Variants in L3MBTL4 observed in about 807,000 individuals in gnomAD.
L3MBTL4 encodes lethal(3)malignant brain tumor-like protein 4.
A neutral mutation model predicts 84.5 loss-of-function variants in L3MBTL4; 70 were observed. That is an observed-to-expected ratio of 0.83 (90% CI 0.68 to 1.01). L3MBTL4 has a LOEUF of 1.01. L3MBTL4 is among the 50% of genes least tolerant of loss of function. The pLI, the probability that L3MBTL4 is intolerant of heterozygous loss-of-function variation, is 0.00. For synonymous variants in L3MBTL4, 274 were observed against 259.8 expected (o/e 1.05, Z -0.52); for missense variants, 715 against 754.8 (o/e 0.95, Z 0.62).
At chr18:6,180,339 A>T (rs182324083) in intron 12 of L3MBTL4, among the ~76,000 whole-genome samples, 32 of 152,246 alleles carry the variant, frequency 2.1e-4, no homozygotes, top group African/African-American at 7.5e-4. Flanking sequence ...CCCAATTTCC[A>T]GATGACTGTG....
chr18:6,009,055 T>C (rs2054615094), intron 16 of L3MBTL4, among the ~76,000 whole-genome samples: 1 of 152,094 alleles, frequency 6.6e-6, no homozygotes, highest in African/African-American at 2.4e-5. Flanking sequence ...CACACAGACC[T>C]CGGGAGGGGT....
chr18:6,053,717 T>C (rs2145827790), intron 16 of L3MBTL4, among the ~76,000 whole-genome samples: 1 of 152,348 alleles, frequency 6.6e-6, no homozygotes, highest in East Asian at 1.9e-4. Context: ...CACTGCAGCA[T>C]GCGTATCCTA....
rs145784058 is a variant in L3MBTL4, at chr18:6,161,578, G to A, written c.1096+10250C>T. Reference sequence around the variant, plus strand: ...AAACAAACTAAAGGGATTATCACTTGTTTAGAAAGACCTAAAATTTTAATA... The same window carrying A: ...AAACAAACTAAAGGGATTATCACTTATTTAGAAAGACCTAAAATTTTAATA... On this transcript the variant is annotated intron_variant, in intron 13 of 18. Coordinates refer to ENST00000317931, the MANE Select transcript of L3MBTL4 (RefSeq NM_001330559.2). 4.0e-3 allele frequency among the ~76,000 whole-genome samples: 613 copies of A among 152,310 alleles called. 3 individuals are homozygous for A. The highest frequency in any genetic ancestry group is 0.014 in the African/African-American group (563 of 41,560).
chr18:6,381,387 G>T (rs1459986656), intron 1 of L3MBTL4, among the ~76,000 whole-genome samples: 1 of 152,120 alleles, frequency 6.6e-6, no homozygotes, highest in Non-Finnish European at 1.5e-5. Flanking sequence ...ATGCTAGCTG[G>T]TTATTTTGCC....
At chr18:5,993,891 A>G (rs552201193) in intron 16 of L3MBTL4, among the ~76,000 whole-genome samples, 19 of 152,332 alleles carry the variant, frequency 1.2e-4, no homozygotes, top group Non-Finnish European at 2.1e-4. Flanking sequence ...TAAAAAAAAT[A>G]CATGTTTTTG....
chr18:6,185,391 T>A (rs2044675606), intron 12 of L3MBTL4, among the ~76,000 whole-genome samples: 3 of 152,148 alleles, frequency 2.0e-5, no homozygotes. Context: ...AGCCTTTGGT[T>A]TTGGCCAATG....
chr18:6,036,155 G>A (rs918929563), intron 16 of L3MBTL4, among the ~76,000 whole-genome samples: 5 of 152,182 alleles, frequency 3.3e-5, no homozygotes, highest in East Asian at 1.9e-4. Context: ...TTAGTGTTTC[G>A]GTTTGGATCT....
chr18:6,384,557 G>A (rs936939656), intron 1 of L3MBTL4, among the ~76,000 whole-genome samples: 1 of 152,148 alleles, frequency 6.6e-6, no homozygotes, highest in African/African-American at 2.4e-5. Context: ...CACTGAATCT[G>A]GGACACTATT....
At chr18:6,228,567 A>T (rs2046870483) in intron 10 of L3MBTL4, among the ~76,000 whole-genome samples, 1 of 152,216 alleles carries the variant, frequency 6.6e-6, no homozygotes, top group Non-Finnish European at 1.5e-5. Flanking sequence ...AATTCTTAAA[A>T]AATGGACAAA....
chr18:6,039,122 G>C (rs889113443), intron 16 of L3MBTL4, among the ~76,000 whole-genome samples: 5 of 151,896 alleles, frequency 3.3e-5, no homozygotes, highest in Non-Finnish European at 7.4e-5. Flanking sequence ...TAGTCTACAA[G>C]CCAAGAGAAG....
intron 13 of L3MBTL4, among the ~76,000 whole-genome samples, chr18:6,169,932 C>T (rs979241751): frequency 2.0e-5 from 3 of 152,054 alleles, no homozygotes; most frequent in Admixed American, 1.3e-4. Flanking sequence ...GTAACTCCCA[C>T]TTAATAACTT....
At chr18:6,080,860 T>C (rs978321208) in intron 16 of L3MBTL4, 21 bp downstream of exon 16, 2 of 1,519,538 alleles carry the variant, frequency 1.3e-6, no homozygotes, top group African/African-American at 1.4e-5. Context: ...TTCTGTGTTT[T>C]GCTAGTGTTT....
chr18:5,987,828 C>A (rs1052717778), intron 16 of L3MBTL4, among the ~76,000 whole-genome samples: 3 of 151,782 alleles, frequency 2.0e-5, no homozygotes, highest in Non-Finnish European at 4.4e-5. Flanking sequence ...CCAATATTTT[C>A]TCTGGCAAGA....
At chr18:6,090,797 T>TTG (rs937047864) in intron 15 of L3MBTL4, among the ~76,000 whole-genome samples, 4 of 150,770 alleles carry the variant, frequency 2.7e-5, no homozygotes, top group African/African-American at 9.8e-5. Flanking sequence ...CCTATTTTTT[T>TTG]TTTTTTTTTG....
chr18:6,372,684 G>GCCCCCTT (rs2054203741), intron 1 of L3MBTL4, among the ~76,000 whole-genome samples: 2 of 152,114 alleles, frequency 1.3e-5, no homozygotes, highest in African/African-American at 4.8e-5. Context: ...TCTCCAAAGT[G>GCCCCCTT]TCCTCACCTG....
At chr18:6,395,176 A>C (rs959027939) in intron 1 of L3MBTL4, 2 of 152,186 alleles carry the variant, frequency 1.3e-5, no homozygotes, top group African/African-American at 2.4e-5. Flanking sequence ...GAGCCTGGGC[A>C]ACAAAGTGAG....
intron 16 of L3MBTL4, among the ~76,000 whole-genome samples, chr18:6,050,098 TC>T (rs529018831): frequency 3.5e-3 from 527 of 152,314 alleles, no homozygotes; most frequent in Non-Finnish European, 4.3e-3. Context: ...CCCACAATAC[TC>T]ATGCTACTCA....
At position 6,312,039 on chromosome 18, in the gene L3MBTL4, A is replaced by C. The variant is rs1052516140; in HGVS notation, c.-73T>G. ...TCTTGGTAAGAGGTCTTAGTCATAC[A>C]AGGCATAGCATAGCAATCTGAAACA... On this transcript the variant is annotated 5_prime_UTR_variant, in exon 2 of 19. Coordinates refer to ENST00000317931, the MANE Select transcript of L3MBTL4 (RefSeq NM_001330559.2). 2 of 161,396 alleles carry C rather than the reference A, an allele frequency of 1.2e-5. No homozygotes were observed. The highest frequency in any genetic ancestry group is 4.8e-5 in the African/African-American group (2 of 41,606). The allele number at this position is 161,396 out of a possible 1,614,324, so 10.0% of individuals were successfully genotyped here. A position where few individuals can be genotyped will look rare whatever the true frequency, so the allele number is the denominator to read the frequency against.
intron 18 of L3MBTL4, among the ~76,000 whole-genome samples, chr18:5,958,046 GAA>G (rs1246350634): frequency 7.4e-5 from 9 of 121,572 alleles, no homozygotes; most frequent in Admixed American, 6.4e-4. Context: ...AGGAGGAGGA[GAA>G]GGAGAAGGAG....
Sources: allele counts gnomAD v4.1 joint callset (sites outside exome capture counted in the v4.1 genomes callset), GRCh38; gene constraint gnomAD v4.1.1; transcripts MANE v1.5; gene names NCBI Gene and HGNC (gene_info 2026-07-23, HGNC 2026-07-21).